KCNT2: variants seen among roughly 807,000 people sequenced by gnomAD.
KCNT2 encodes potassium sodium-activated channel subfamily T member 2.
A neutral mutation model predicts 153.8 loss-of-function variants in KCNT2; 67 were observed. The ratio of observed to expected loss-of-function variants is 0.44; its 90% CI spans 0.36 to 0.53. The LOEUF is 0.53. Among genes scored for constraint, KCNT2 ranks in the 20% least tolerant of loss-of-function variants. The pLI is 0.00. For missense variants in KCNT2, 975 were observed against 1,354.8 expected (o/e 0.72, Z 4.40); for synonymous variants, 500 against 458.8 (o/e 1.09, Z -1.15).
chr1:196,537,401 A>G (rs1241466082), intron 1 of KCNT2, among the ~76,000 whole-genome samples: 1 of 152,172 alleles, frequency 6.6e-6, no homozygotes, highest in Non-Finnish European at 1.5e-5. Flanking sequence ...TAAGCAGTGT[A>G]TCAAGTCCGT....
chr1:196,441,773 G>T (rs1304272823), intron 8 of KCNT2, among the ~76,000 whole-genome samples: 1 of 151,794 alleles, frequency 6.6e-6, no homozygotes, highest in Non-Finnish European at 1.5e-5. Flanking sequence ...TAGTAGGAAA[G>T]ATGGAGCTTT....
chr1:196,482,016 A>G (rs951464438), intron 4 of KCNT2, among the ~76,000 whole-genome samples: 2 of 152,172 alleles, frequency 1.3e-5, no homozygotes, highest in Non-Finnish European at 2.9e-5. Flanking sequence ...CCTTAAAGGA[A>G]TCATATAACA....
At chr1:196,601,985 T>A (rs534887531) in intron 1 of KCNT2, among the ~76,000 whole-genome samples, 8 of 152,232 alleles carry the variant, frequency 5.3e-5, no homozygotes, top group African/African-American at 1.9e-4. Flanking sequence ...ACAATTCAAT[T>A]GCTAATGATT....
chr1:196,410,191 A>G (rs1438630506), intron 12 of KCNT2, among the ~76,000 whole-genome samples: 2 of 151,608 alleles, frequency 1.3e-5, no homozygotes, highest in African/African-American at 4.8e-5. Flanking sequence ...TTTGCTATTA[A>G]GCTATAGAAA....
chr1:196,461,761 C>T (rs541853255), intron 8 of KCNT2, among the ~76,000 whole-genome samples: 1 of 151,746 alleles, frequency 6.6e-6, no homozygotes, highest in Admixed American at 6.6e-5. Flanking sequence ...AATTCCATTA[C>T]AATGACCGAA....
At chr1:196,363,296 C>T (rs1255311548) in intron 14 of KCNT2, among the ~76,000 whole-genome samples, 1 of 151,948 alleles carries the variant, frequency 6.6e-6, no homozygotes, top group African/African-American at 2.4e-5. Context: ...TTGACCAGCC[C>T]CCATATAATT....
intron 1 of KCNT2, among the ~76,000 whole-genome samples, chr1:196,548,959 A>G (rs903197250): frequency 6.6e-6 from 1 of 151,756 alleles, no homozygotes; most frequent in Non-Finnish European, 1.5e-5. Flanking sequence ...GAACAATGAG[A>G]ACACATGGAC....
intron 1 of KCNT2, among the ~76,000 whole-genome samples, chr1:196,526,268 C>T (rs1445067400): frequency 6.6e-6 from 1 of 151,088 alleles, no homozygotes; most frequent in Non-Finnish European, 1.5e-5. Context: ...TATAAACATA[C>T]ATACAATTTC....
chr1:196,461,493 T>G (rs1677150432), intron 8 of KCNT2, among the ~76,000 whole-genome samples: 1 of 151,778 alleles, frequency 6.6e-6, no homozygotes, highest in Admixed American at 6.6e-5. Context: ...TTTAAAAATA[T>G]TAAAGTTTGA....
intron 8 of KCNT2, among the ~76,000 whole-genome samples, chr1:196,462,682 C>T (rs1336700392): frequency 1.3e-5 from 2 of 151,618 alleles, no homozygotes; most frequent in Non-Finnish European, 2.9e-5. Context: ...TTAATCCTCA[C>T]TTCAAAATAA....
chr1:196,264,875 C>T (rs1403600179), intron 25 of KCNT2, among the ~76,000 whole-genome samples: 1 of 152,158 alleles, frequency 6.6e-6, no homozygotes. Context: ...AAGCTATCCT[C>T]CCATGTCAAC....
At chr1:196,530,113 T>G (rs920439036) in intron 1 of KCNT2, among the ~76,000 whole-genome samples, 2 of 151,852 alleles carry the variant, frequency 1.3e-5, no homozygotes, top group African/African-American at 4.8e-5. Context: ...ACAATAAATA[T>G]AAAGTTTATT....
intron 19 of KCNT2, among the ~76,000 whole-genome samples, chr1:196,322,886 T>C (rs1663467730): frequency 6.6e-6 from 1 of 151,890 alleles, no homozygotes; most frequent in Admixed American, 6.6e-5. Context: ...TTTTTATTAA[T>C]TGGGTTTTCA....
intron 14 of KCNT2, among the ~76,000 whole-genome samples, chr1:196,348,207 A>T (rs79829801): frequency 3.2e-5 from 3 of 94,326 alleles, no homozygotes; most frequent in South Asian, 2.5e-4. Flanking sequence ...CATTAGAATT[A>T]AAAAAAAAAA....
At chr1:196,521,660 G>T (rs1653432248) in intron 1 of KCNT2, among the ~76,000 whole-genome samples, 1 of 152,114 alleles carries the variant, frequency 6.6e-6, no homozygotes, top group African/African-American at 2.4e-5. Flanking sequence ...AACATGAATG[G>T]AGCTGGACGG....
chr1:196,561,664 A>AAAAAAAAAAAAAAAAAAAAAAAAG, intron 1 of KCNT2, among the ~76,000 whole-genome samples: 1 of 32,256 alleles, frequency 3.1e-5, no homozygotes, highest in African/African-American at 3.5e-5. Context: ...AAAAAAAAAA[A>AAAAAAAAAAAAAAAAAAAAAAAAG]AAAAAAAAAA....
At chr1:196,511,687 T>C (rs1257578423) in intron 1 of KCNT2, among the ~76,000 whole-genome samples, 1 of 152,182 alleles carries the variant, frequency 6.6e-6, no homozygotes, top group Non-Finnish European at 1.5e-5. Flanking sequence ...TGCAGATGTC[T>C]GGTTACTCAC....
chr1:196,342,285 G>A, intron 14 of KCNT2, 57 bp from the exon 15 acceptor site: 1 of 1,476,008 alleles, frequency 6.8e-7, no homozygotes, highest in Non-Finnish European at 9.3e-7. Context: ...AGTGAATGTG[G>A]TTAAAAAACA....
intron 3 of KCNT2, among the ~76,000 whole-genome samples, chr1:196,483,174 A>G (rs952327201): frequency 2.0e-5 from 3 of 152,092 alleles, no homozygotes; most frequent in Non-Finnish European, 4.4e-5. Flanking sequence ...GCCAAATCTC[A>G]TTTTATTTGG....
Sources: allele counts gnomAD v4.1 joint callset (sites outside exome capture counted in the v4.1 genomes callset), GRCh38; gene constraint gnomAD v4.1.1; transcripts MANE v1.5; gene names NCBI Gene and HGNC (gene_info 2026-07-23, HGNC 2026-07-21).